The following BTBD2 variants were observed in gnomAD, a reference collection of about 807,000 sequenced individuals.
The protein encoded by BTBD2 is BTB domain containing 2.
Under a neutral mutation model 44.0 loss-of-function variants are expected in BTBD2, and 15 were observed. The ratio of observed to expected loss-of-function variants is 0.34; its 90% CI spans 0.23 to 0.53. The LOEUF (loss-of-function observed/expected upper bound fraction) is 0.53, where lower values mean the gene tolerates loss of function less well. Ranked by LOEUF, BTBD2 falls within the 20% of genes least tolerant of loss-of-function variation. BTBD2 has a pLI of 0.95. For synonymous variants in BTBD2, 443 were observed against 335.9 expected, an observed-to-expected ratio of 1.32 and a Z score of -3.49; for missense variants, 657 against 746.4, an observed-to-expected ratio of 0.88 and a Z score of 1.39.
intron 3 of BTBD2, chr19:1,991,304 G>C (rs1182452777): frequency 6.1e-6 from 1 of 162,886 alleles, no homozygotes; most frequent in Admixed American, 6.1e-5. Flanking sequence ...ACTTCTGACA[G>C]TCAGGTGACA....
In BTBD2 at chr19:1,990,840, C is replaced by T. The variant is rs376725445; in HGVS notation, c.685-18G>A. ...AGTCGCGCCTGGCAAGAGACATCGA[C>T]GGGGGGCGCGGTGGGGACATCAGCA... On this transcript the variant is annotated intron_variant, in intron 3 of 8. Coordinates refer to ENST00000255608, the MANE Select transcript of BTBD2 (RefSeq NM_017797.4). 184 of 1,541,072 alleles carry T rather than the reference C, an allele frequency of 1.2e-4. No homozygotes were observed. Among genetic ancestry groups the T allele is most frequent in the Non-Finnish European group, 1.5e-4 (169 of 1,146,066 alleles).
rs770822380 is a variant in BTBD2, at chr19:1,990,162, A to G, written c.830T>C (p.Ile277Thr). 4.7e-5 allele frequency: 76 copies of G among 1,610,284 alleles called. No homozygotes were observed. Among genetic ancestry groups the G allele is most frequent in the Non-Finnish European group, 6.1e-5 (72 of 1,178,906 alleles). The change falls in exon 5 of 9, where the codon ATC becomes ACC. Residue 277 changes from isoleucine to threonine, a missense_variant. By Grantham distance (89) the Ile-to-Thr change is moderately conservative (BLOSUM62 -1). Around this residue, in one of 3 missense-constraint regions of BTBD2, gnomAD observed 449 missense variants for 510.9 expected, o/e 0.88. Coordinates refer to ENST00000255608, the MANE Select transcript of BTBD2 (RefSeq NM_017797.4). ...VAVLERDTLG[I>T]REVRLFNAVV... ...GGCATTGAACAGCCGCACCTCACGG[A>G]TGCCCAGTGTGTCGCGCTCCAGGAC... is the stretch of plus-strand genomic sequence containing the variant.
chr19:2,002,079 CATTTTT>C (rs2016337213), intron 1 of BTBD2, among the ~76,000 whole-genome samples: 1 of 151,968 alleles, frequency 6.6e-6, no homozygotes, highest in African/African-American at 2.4e-5. Flanking sequence ...ATTTTTATTT[CATTTTT>C]ATTTTTAGTT....
At chr19:2,003,038 AG>A (rs1354257237) in intron 1 of BTBD2, 1 of 152,124 alleles carries the variant, frequency 6.6e-6, no homozygotes, top group East Asian at 1.9e-4. Flanking sequence ...TGAGAGCTGG[AG>A]TGGCTACGTC....
intron 1 of BTBD2, among the ~76,000 whole-genome samples, chr19:1,999,715 C>G (rs1309980137): frequency 1.3e-5 from 2 of 151,554 alleles, no homozygotes; most frequent in African/African-American, 2.4e-5. Flanking sequence ...AATCCCACCA[C>G]TTTGGGAGGC....
Position 1,997,325 on chromosome 19 carries a change from A to G in BTBD2, c.527+19T>C. The G allele has an allele frequency of 6.2e-7, 1 of 1,613,904 alleles. No homozygotes were observed. Among genetic ancestry groups the G allele is most frequent in the Non-Finnish European group, 8.5e-7 (1 of 1,179,956 alleles). ...TCCCCAGGCCCAGCTCCCCAGCAGG[A>G]AGCATCCGGAAGCATTACTTGAGCA... On this transcript the variant is annotated intron_variant, in intron 2 of 8. Coordinates refer to ENST00000255608, the MANE Select transcript of BTBD2 (RefSeq NM_017797.4).
At position 1,990,707 on chromosome 19, in the gene BTBD2, G is replaced by A; in HGVS notation, c.790+10C>T. The A allele has an allele frequency of 6.3e-7, 1 of 1,588,782 alleles. No individual in the cohort carries two copies. The highest frequency in any genetic ancestry group is 8.6e-7 in the Non-Finnish European group (1 of 1,168,020). Reference sequence around the variant, plus strand: ...CTGGGATTCCCACACCTGGGCTCCTGGGCCCTTACCCAGGTCAATGTCGGT... The same window carrying A: ...CTGGGATTCCCACACCTGGGCTCCTAGGCCCTTACCCAGGTCAATGTCGGT... On this transcript the variant is annotated intron_variant, in intron 4 of 8. Transcript: ENST00000255608.
At chr19:1,993,469 G>A (rs1016261333) in intron 2 of BTBD2, among the ~76,000 whole-genome samples, 7 of 152,094 alleles carry the variant, frequency 4.6e-5, no homozygotes, top group African/African-American at 1.4e-4. Context: ...TGTTCTGCCC[G>A]GGATGCCCCA....
chr19:2,005,072 G>A (rs748460777), intron 1 of BTBD2, among the ~76,000 whole-genome samples: 9 of 151,818 alleles, frequency 5.9e-5, no homozygotes, highest in East Asian at 1.9e-4. Context: ...TGCCTGTCTC[G>A]GCCTCCCAAA....
At chr19:1,999,299 C>T (rs969050029) in intron 1 of BTBD2, among the ~76,000 whole-genome samples, 12 of 152,194 alleles carry the variant, frequency 7.9e-5, no homozygotes, top group African/African-American at 2.7e-4. Flanking sequence ...GGAAACAGGC[C>T]GGTGCTAACT....
At position 2,015,617 on chromosome 19, in the gene BTBD2, G is replaced by T; in HGVS notation, c.87C>A (p.Ser29Arg). The T allele has an allele frequency of 1.0e-6, 1 of 975,524 alleles. No individual in the cohort carries two copies. The allele number at this position is 975,524 out of a possible 1,614,324, so 60.4% of individuals were successfully genotyped here. Reference protein sequence around the residue: ...GPGTGGSPGPSANAAATPAPG... With the variant: ...GPGTGGSPGPRANAAATPAPG... ...GGGCCGGGGTGGCGGCGGCGTTGGCGCTGGGCCCGGGACTGCCCCCCGTGC... is the reference window on the plus strand; with the variant it reads ...GGGCCGGGGTGGCGGCGGCGTTGGCTCTGGGCCCGGGACTGCCCCCCGTGC... The change falls in exon 1 of 9, where the codon AGC becomes AGA. Residue 29 changes from serine (S) to arginine (R), a missense_variant. Ser to Arg is a moderately radical substitution (Grantham distance 110). Transcript: ENST00000255608.
At chr19:1,988,124 A>C in intron 5 of BTBD2, 1 of 166,554 alleles carries the variant, frequency 6.0e-6, no homozygotes, top group Non-Finnish European at 1.3e-5. Flanking sequence ...TGGCTTCTAG[A>C]AGCAGTCTGG....
At chr19:1,997,668 A>C (rs747656756) in intron 1 of BTBD2, among the ~76,000 whole-genome samples, 2 of 152,210 alleles carry the variant, frequency 1.3e-5, no homozygotes, top group Non-Finnish European at 2.9e-5. Context: ...CGGCAAGGAC[A>C]GGCAGGGCTA....
At chr19:2,002,211 G>C (rs2016338431) in intron 1 of BTBD2, among the ~76,000 whole-genome samples, 2 of 152,154 alleles carry the variant, frequency 1.3e-5, no homozygotes, top group South Asian at 4.1e-4. Flanking sequence ...CCTCCCGGTA[G>C]CTGGGAACAC....
rs533915623 is a variant in BTBD2 at position 2,015,541 on chromosome 19, GGGCGGCGGCGGCGGC to G, written c.148_162del (p.Ala50_Ala54del). On this transcript the variant is annotated inframe_deletion, in exon 1 of 9. Coordinates refer to ENST00000255608, the MANE Select transcript of BTBD2 (RefSeq NM_017797.4). ...GGCGGGGCGGGCGGCGTCGGCCCAG[GGGCGGCGGCGGCGGC>G]GGCGGCGGCGGCGGCGGCGGCGGCC... 3.5e-3 allele frequency: 3,212 copies of G among 910,146 alleles called. 3 individuals carry two copies. Among genetic ancestry groups the G allele is most frequent in the African/African-American group, 6.5e-3 (311 of 47,994 alleles). 56.4% of individuals were successfully genotyped at this position (910,146 alleles called of 1,614,324 possible). A position where few individuals can be genotyped will look rare whatever the true frequency, so the allele number is the denominator to read the frequency against.
At chr19:2,008,431 C>T (rs1316071517) in intron 1 of BTBD2, among the ~76,000 whole-genome samples, 1 of 151,842 alleles carries the variant, frequency 6.6e-6, no homozygotes, top group East Asian at 1.9e-4. Context: ...TCTCAAGCAG[C>T]AGGTGCAAGC....
intron 3 of BTBD2, 33 bp downstream of exon 3, chr19:1,992,979 CAGGCCTGG>C: frequency 1.4e-6 from 2 of 1,428,232 alleles, no homozygotes; most frequent in Non-Finnish European, 1.8e-6. Flanking sequence ...CGCCTCCAGC[CAGGCCTGG>C]CCCCGCCCCC....
At chr19:1,987,124 T>C (rs138467239) in intron 7 of BTBD2, 42 bp downstream of exon 7, 21 of 1,602,206 alleles carry the variant, frequency 1.3e-5, no homozygotes, top group African/African-American at 1.2e-4. Context: ...AGAGAGGACA[T>C]GGGCCTGAGT....
At chr19:1,999,950 A>C (rs991861602) in intron 1 of BTBD2, among the ~76,000 whole-genome samples, 20 of 149,300 alleles carry the variant, frequency 1.3e-4, no homozygotes, top group African/African-American at 5.0e-4. Flanking sequence ...TGACAGAGCA[A>C]GACTAAAGAC....
Sources: gnomAD v4.1 joint callset for allele counts (sites outside exome capture counted in the v4.1 genomes callset) on GRCh38, gnomAD v4.1.1 for gene constraint, gnomAD v4.1.1 regional missense constraint, MANE v1.5 for transcripts, NCBI Gene and HGNC (gene_info 2026-07-23, HGNC 2026-07-21) for gene names.